Variants in YES1 observed in about 807,000 individuals in gnomAD.
YES1 encodes the protein tyrosine-protein kinase Yes.
Under a neutral mutation model 70.4 loss-of-function variants are expected in YES1, and 39 were observed. The observed-to-expected ratio is 0.55, with a 90% CI of 0.43 to 0.72. The LOEUF is 0.72. Among genes scored for constraint, YES1 ranks in the 30% least tolerant of loss-of-function variants. YES1 has a pLI of 0.00. For synonymous variants in YES1, 198 were observed against 218.6 expected (o/e 0.91, Z 0.83); for missense variants, 495 against 644.8 (o/e 0.77, Z 2.52).
intron 1 of YES1, among the ~76,000 whole-genome samples, chr18:791,914 G>T (rs1658804221): frequency 6.6e-6 from 1 of 151,942 alleles, no homozygotes. Flanking sequence ...AATCAGCTGG[G>T]GGTGTTGGCG....
intron 1 of YES1, among the ~76,000 whole-genome samples, chr18:763,821 G>A (rs746504153): frequency 2.6e-5 from 4 of 151,538 alleles, no homozygotes; most frequent in Non-Finnish European, 5.9e-5. Flanking sequence ...GGAAAGAGGA[G>A]ACATTAAGAA....
chr18:780,638 T>C (rs1346950914), intron 1 of YES1, among the ~76,000 whole-genome samples: 1 of 152,188 alleles, frequency 6.6e-6, no homozygotes, highest in Non-Finnish European at 1.5e-5. Flanking sequence ...CTAAGATACC[T>C]TCCTGTGCCC....
chr18:745,659 T>A, intron 6 of YES1, 49 bp downstream of exon 6: 1 of 1,534,270 alleles, frequency 6.5e-7, no homozygotes, highest in Non-Finnish European at 8.8e-7. Context: ...TTTGTCCTCA[T>A]AAACTAGAAT....
At chr18:736,575 G>C in intron 10 of YES1, 1 of 377,638 alleles carries the variant, frequency 2.6e-6, no homozygotes, top group Non-Finnish European at 4.7e-6. Flanking sequence ...GAAGTGTAAA[G>C]AGGCTACTAC....
In YES1 at chr18:731,922, G is replaced by A. The variant is rs1243280508; in HGVS notation, c.1423+912C>T. Among the ~76,000 whole-genome samples the A allele has an allele frequency of 8.0e-5, 11 of 137,554 alleles. No individual in the cohort carries two copies. The South Asian group carries it at 1.4e-3, about 17-fold the overall frequency. 90.2% of individuals were successfully genotyped at this position (137,554 alleles called of 152,430 possible). ...GTGGAGGCTGCAGTGAGCTGAGATC[G>A]TGCCACTGCACTCCAGCCTGGGCGA... On this transcript the variant is annotated intron_variant, in intron 11 of 11. Transcript: ENST00000314574.
chr18:742,532 A>G (rs1290016258), intron 8 of YES1, among the ~76,000 whole-genome samples: 1 of 151,856 alleles, frequency 6.6e-6, no homozygotes, highest in Non-Finnish European at 1.5e-5. Context: ...TTATGTTTAT[A>G]TTAAAATGAG....
chr18:810,979 C>G (rs58976039), intron 1 of YES1, among the ~76,000 whole-genome samples: 1 of 152,080 alleles, frequency 6.6e-6, no homozygotes, highest in African/African-American at 2.4e-5. Context: ...ATTTACCATG[C>G]ACTTTTCCTT....
chr18:811,948 C>T (rs1282300937), intron 1 of YES1, among the ~76,000 whole-genome samples, 166 bp downstream of exon 1: 3 of 152,194 alleles, frequency 2.0e-5, no homozygotes, highest in Non-Finnish European at 4.4e-5. Flanking sequence ...ACAAGCCCGC[C>T]GGGCGATCCG....
intron 1 of YES1, among the ~76,000 whole-genome samples, chr18:765,314 T>C (rs1467435315): frequency 7.0e-6 from 1 of 143,756 alleles, no homozygotes; most frequent in Non-Finnish European, 1.5e-5. Flanking sequence ...TTTTTCATTA[T>C]ATGAAACATG....
chr18:803,962 G>C (rs1309077014), intron 1 of YES1, among the ~76,000 whole-genome samples: 2 of 152,152 alleles, frequency 1.3e-5, no homozygotes, highest in African/African-American at 4.8e-5. Context: ...AGACTTCCTG[G>C]AAAAACAGAT....
intron 11 of YES1, 148 bp from the exon 12 acceptor site, chr18:724,780 G>T: frequency 1.6e-6 from 1 of 632,518 alleles, no homozygotes. Flanking sequence ...TTTTAAACAT[G>T]AGAATATCAA....
rs377472218 is a variant in YES1, at chr18:765,140, CAG to C, written c.-8-8307_-8-8306del. ...AGGACACCTACATACAAGCATAAGA[CAG>C]GGAGAGAAATTAGGAAGCAACCATT... On this transcript the variant is annotated intron_variant, in intron 1 of 11. Transcript: ENST00000314574. Among the ~76,000 whole-genome samples, 25 of 150,580 alleles carry C rather than the reference CAG, an allele frequency of 1.7e-4. No individual in the cohort carries two copies. The East Asian group carries it at 2.4e-3, about 14-fold the overall frequency.
At chr18:789,840 G>T (rs1188569455) in intron 1 of YES1, among the ~76,000 whole-genome samples, 1 of 151,524 alleles carries the variant, frequency 6.6e-6, no homozygotes, top group East Asian at 1.9e-4. Context: ...CAGGCAGATT[G>T]CCTGAGGTCA....
At chr18:804,919 A>AAAAAAAC (rs1555692649) in intron 1 of YES1, among the ~76,000 whole-genome samples, 22 of 151,378 alleles carry the variant, frequency 1.5e-4, no homozygotes, top group Non-Finnish European at 1.5e-4. Flanking sequence ...GACTCAAAAA[A>AAAAAAAC]AAAAAACACA....
At chr18:731,514 A>T (rs2145674140) in intron 11 of YES1, among the ~76,000 whole-genome samples, 1 of 152,364 alleles carries the variant, frequency 6.6e-6, no homozygotes, top group Non-Finnish European at 1.5e-5. Flanking sequence ...CCATAAGATT[A>T]GCAAAACAGT....
At chr18:764,886 C>T (rs1472066805) in intron 1 of YES1, among the ~76,000 whole-genome samples, 3 of 151,844 alleles carry the variant, frequency 2.0e-5, no homozygotes, top group Non-Finnish European at 4.4e-5. Context: ...GTGCACACCA[C>T]CACACCCGGC....
intron 11 of YES1, among the ~76,000 whole-genome samples, chr18:729,342 G>A (rs1223589352): frequency 1.3e-5 from 2 of 151,954 alleles, no homozygotes; most frequent in Non-Finnish European, 2.9e-5. Context: ...TGGAACCTGG[G>A]AGGCGGAGGC....
chr18:725,653 C>G (rs946549836), intron 11 of YES1, among the ~76,000 whole-genome samples: 9 of 152,086 alleles, frequency 5.9e-5, no homozygotes, highest in African/African-American at 2.2e-4. Flanking sequence ...CTTTGGGAGG[C>G]CAAGGCGGGT....
chr18:753,812 G>T (rs1257114489), intron 2 of YES1, among the ~76,000 whole-genome samples: 3 of 151,984 alleles, frequency 2.0e-5, no homozygotes, highest in Non-Finnish European at 4.4e-5. Context: ...TGTCTAATAA[G>T]CATTTAAAAT....
Sources: gnomAD v4.1 joint callset for allele counts (sites outside exome capture counted in the v4.1 genomes callset) on GRCh38, gnomAD v4.1.1 for gene constraint, MANE v1.5 for transcripts, NCBI Gene and HGNC (gene_info 2026-07-23, HGNC 2026-07-21) for gene names.